The following NOL4L variants were observed in gnomAD, a reference collection of about 807,000 sequenced individuals.
NOL4L encodes the protein nucleolar protein 4 like.
NOL4L carries 7 observed loss-of-function variants against 64.5 expected under a neutral mutation model. The observed-to-expected ratio is 0.11, with a 90% CI of 0.06 to 0.20. The LOEUF (loss-of-function observed/expected upper bound fraction) is 0.20. Among genes scored for constraint, NOL4L ranks in the 10% least tolerant of loss-of-function variants. The pLI is 1.00. For missense variants in NOL4L, 680 were observed against 967.1 expected (o/e 0.70, Z 3.94); for synonymous variants, 413 against 401.0 (o/e 1.03, Z -0.36).
intron 4 of NOL4L, among the ~76,000 whole-genome samples, chr20:32,490,796 A>G (rs1010940929): frequency 6.6e-6 from 1 of 152,248 alleles, no homozygotes; most frequent in African/African-American, 2.4e-5. Context: ...GTCATCAGTT[A>G]ATTCTGGTCA....
At chr20:32,571,435 G>A (rs1979740187) in intron 1 of NOL4L, among the ~76,000 whole-genome samples, 1 of 152,188 alleles carries the variant, frequency 6.6e-6, no homozygotes, top group South Asian at 2.1e-4. Context: ...TCAAACTCTT[G>A]ACCTCAAGTG....
chr20:32,520,603 T>C (rs1392547757), intron 3 of NOL4L, among the ~76,000 whole-genome samples: 1 of 152,190 alleles, frequency 6.6e-6, no homozygotes, highest in Non-Finnish European at 1.5e-5. Context: ...TTTGTATGGT[T>C]GGTTTTTAAG....
At chr20:32,482,898 G>C (rs905254711) in intron 4 of NOL4L, among the ~76,000 whole-genome samples, 1 of 150,198 alleles carries the variant, frequency 6.7e-6, no homozygotes, top group Admixed American at 6.6e-5. Context: ...CCCGCCGCCA[G>C]AGAACGCCTC....
intron 2 of NOL4L, 78 bp downstream of exon 2, chr20:32,527,680 A>G (rs906319292): frequency 2.8e-4 from 408 of 1,464,326 alleles, no homozygotes; most frequent in Non-Finnish European, 3.4e-4. Flanking sequence ...CCGCCCCCCA[A>G]GCCCAACATG....
At chr20:32,512,773 T>C (rs916797432) in intron 3 of NOL4L, among the ~76,000 whole-genome samples, 1 of 152,350 alleles carries the variant, frequency 6.6e-6, no homozygotes, top group South Asian at 2.1e-4. Context: ...GTAGAATTTT[T>C]ATGGCCATGT....
intron 2 of NOL4L, among the ~76,000 whole-genome samples, chr20:32,521,797 C>A (rs2145574711): frequency 6.6e-6 from 1 of 152,368 alleles, no homozygotes; most frequent in Middle Eastern, 3.4e-3. Context: ...CAAAGAGTCC[C>A]TTCAGTCCCA....
chr20:32,471,172 G>A (rs1318573499), intron 5 of NOL4L, among the ~76,000 whole-genome samples: 2 of 152,132 alleles, frequency 1.3e-5, no homozygotes, highest in Non-Finnish European at 2.9e-5. Flanking sequence ...CCCGGGGAGT[G>A]AAAGCTGTGG....
intron 1 of NOL4L, among the ~76,000 whole-genome samples, chr20:32,577,448 C>T (rs536611584): frequency 6.6e-6 from 1 of 152,338 alleles, no homozygotes; most frequent in Non-Finnish European, 1.5e-5. Flanking sequence ...CATAACTAAA[C>T]ATAATGAGGC....
At chr20:32,488,859 CT>C (rs2016313879) in intron 4 of NOL4L, among the ~76,000 whole-genome samples, 2 of 76,772 alleles carry the variant, frequency 2.6e-5, no homozygotes, top group African/African-American at 1.4e-4. Flanking sequence ...TTCTTTCTTT[CT>C]TTCTTTCTTT....
intron 1 of NOL4L, among the ~76,000 whole-genome samples, chr20:32,538,765 C>G (rs533135560): frequency 1.3e-5 from 2 of 152,290 alleles, no homozygotes; most frequent in South Asian, 4.1e-4. Context: ...GGGGAGGCAG[C>G]GGCAGGCGGG....
rs764373335 is a variant in NOL4L at position 32,445,479 on chromosome 20, AAAT to A, written c.*2114_*2116del. On this transcript the variant is annotated 3_prime_UTR_variant, in exon 11 of 11. Coordinates refer to ENST00000621426, the MANE Select transcript of NOL4L (RefSeq NM_001256798.2). ...CAGGTTTTAACATTAAGATTTTCAC[AAAT>A]AATTGCCTGGGGTAACATTTTTGCA... is the stretch of plus-strand genomic sequence containing the variant. The A allele has an allele frequency of 6.6e-6, 1 of 151,442 alleles. No individual in the cohort carries two copies. The highest frequency in any genetic ancestry group is 2.1e-4 in the South Asian group (1 of 4,834). The allele number at this position is 151,442 out of a possible 1,614,324, so 9.4% of individuals were successfully genotyped here.
At chr20:32,563,818 G>A (rs1979248195) in intron 1 of NOL4L, among the ~76,000 whole-genome samples, 1 of 152,180 alleles carries the variant, frequency 6.6e-6, no homozygotes, top group Non-Finnish European at 1.5e-5. Flanking sequence ...CTAGAGCCTG[G>A]GACATTGCCT....
chr20:32,541,032 C>CACACACAG (rs2018646562), intron 1 of NOL4L, among the ~76,000 whole-genome samples: 1 of 151,614 alleles, frequency 6.6e-6, no homozygotes. Flanking sequence ...CACACACACA[C>CACACACAG]ACACACACAC....
At chr20:32,533,014 G>T (rs1237721888) in intron 1 of NOL4L, among the ~76,000 whole-genome samples, 2 of 152,214 alleles carry the variant, frequency 1.3e-5, no homozygotes, top group Admixed American at 1.3e-4. Flanking sequence ...AGCTGGGCAT[G>T]GTGGCGCATG....
At chr20:32,517,146 G>A (rs886782256) in intron 3 of NOL4L, among the ~76,000 whole-genome samples, 7 of 152,082 alleles carry the variant, frequency 4.6e-5, no homozygotes, top group Admixed American at 3.9e-4. Context: ...GGCTGTCCAG[G>A]TCCCCCCCAC....
At chr20:32,485,068 A>AAG (rs1568643050) in intron 4 of NOL4L, among the ~76,000 whole-genome samples, 1 of 144,740 alleles carries the variant, frequency 6.9e-6, no homozygotes, top group African/African-American at 2.5e-5. Flanking sequence ...CAAAAAAAAA[A>AAG]AAAAAAAAAA....
At chr20:32,538,458 C>G (rs2018591126) in intron 1 of NOL4L, among the ~76,000 whole-genome samples, 1 of 128,168 alleles carries the variant, frequency 7.8e-6, no homozygotes, top group Non-Finnish European at 1.7e-5. Context: ...TCCCTCCCTC[C>G]CTCGCTCCCT....
rs1037665826 is a variant in NOL4L at position 32,460,326 on chromosome 20, C to T, written c.842-3931G>A. ...CTACTCAGAGGGACAACATGGATCGCGAAAGCCTGCCTTCCCCAGTGACAC... is the reference window on the plus strand; with the variant it reads ...CTACTCAGAGGGACAACATGGATCGTGAAAGCCTGCCTTCCCCAGTGACAC... On this transcript the variant is annotated intron_variant, in intron 5 of 10. Transcript: ENST00000621426. The surrounding 1 kb of genome is among the most constrained non-coding windows in gnomAD (Gnocchi z 5.7). Among the ~76,000 whole-genome samples the T allele has an allele frequency of 3.0e-4, 45 of 152,288 alleles. No individual in the cohort carries two copies. Among genetic ancestry groups the T allele is most frequent in the Admixed American group, 2.2e-3 (34 of 15,292 alleles).
At chr20:32,502,060 A>C (rs1390759969) in intron 4 of NOL4L, among the ~76,000 whole-genome samples, 1 of 152,234 alleles carries the variant, frequency 6.6e-6, no homozygotes, top group Non-Finnish European at 1.5e-5. Flanking sequence ...TAATAAGTGT[A>C]TTTATGAGAG....
Sources: allele counts gnomAD v4.1 joint callset (sites outside exome capture counted in the v4.1 genomes callset), GRCh38; gene constraint gnomAD v4.1.1; non-coding constraint Gnocchi (gnomAD v3.1); transcripts MANE v1.5; gene names NCBI Gene and HGNC (gene_info 2026-07-23, HGNC 2026-07-21).